The following NUP214 variants were observed in gnomAD, a reference collection of about 807,000 sequenced individuals.
The protein encoded by NUP214 is nuclear pore complex protein Nup214.
Under a neutral mutation model 196.2 loss-of-function variants are expected in NUP214, and 79 were observed. The observed-to-expected ratio is 0.40, with a 90% CI of 0.34 to 0.49. The LOEUF is 0.49. Ranked by LOEUF, NUP214 falls within the 20% of genes least tolerant of loss-of-function variation. The pLI, the probability that NUP214 is intolerant of heterozygous loss-of-function variation, is 0.58. For missense variants in NUP214, 2,468 were observed against 2,539.0 expected, an observed-to-expected ratio of 0.97 and a Z score of 0.60; for synonymous variants, 1,020 against 990.5, an observed-to-expected ratio of 1.03 and a Z score of -0.56.
intron 21 of NUP214, among the ~76,000 whole-genome samples, chr9:131,171,355 G>T (rs1349158940): frequency 6.6e-6 from 1 of 152,144 alleles, no homozygotes; most frequent in Non-Finnish European, 1.5e-5. Flanking sequence ...GTTCTTGAAG[G>T]TGATGTGATT....
At chr9:131,180,243 C>T (rs1241439967) in intron 24 of NUP214, among the ~76,000 whole-genome samples, 2 of 152,160 alleles carry the variant, frequency 1.3e-5, no homozygotes, top group East Asian at 3.9e-4. Context: ...CATGTGTATG[C>T]CCAGCATGGT....
chr9:131,192,348 C>T (rs951695388), intron 27 of NUP214, 56 bp downstream of exon 27: 12 of 1,028,838 alleles, frequency 1.2e-5, no homozygotes, highest in Admixed American at 4.0e-5. Context: ...TTCCCCAAAT[C>T]TTACAATTAT....
At chr9:131,220,338 T>G (rs1834524663) in intron 31 of NUP214, among the ~76,000 whole-genome samples, 1 of 152,202 alleles carries the variant, frequency 6.6e-6, no homozygotes, top group South Asian at 2.1e-4. Flanking sequence ...AACACATTGT[T>G]GACATTAGAA....
chr9:131,148,904 A>G (rs1023379756), intron 14 of NUP214, among the ~76,000 whole-genome samples: 1 of 152,078 alleles, frequency 6.6e-6, no homozygotes, highest in Non-Finnish European at 1.5e-5. Context: ...TAAGTATATC[A>G]GTTTTTTCTT....
intron 14 of NUP214, 115 bp from the exon 15 acceptor site, chr9:131,150,209 T>C (rs1832216179): frequency 2.5e-6 from 2 of 814,788 alleles, no homozygotes; most frequent in South Asian, 1.6e-5. Context: ...TTCGTTACAA[T>C]GAGTGAAGAA....
At chr9:131,150,521 C>G (rs1294140990) in intron 15 of NUP214, 95 bp from the exon 16 acceptor site, 1 of 1,565,636 alleles carries the variant, frequency 6.4e-7, no homozygotes, top group African/African-American at 1.4e-5. Flanking sequence ...GAAGCATGGC[C>G]CATCCCAGCA....
At chr9:131,131,329 C>G (rs1831539416) in intron 5 of NUP214, among the ~76,000 whole-genome samples, 1 of 152,246 alleles carries the variant, frequency 6.6e-6, no homozygotes, top group Non-Finnish European at 1.5e-5. Context: ...TGCATGTGCA[C>G]TCTGTCATCC....
chr9:131,133,200 TCTA>T lies in NUP214; in HGVS notation c.827_829del (p.Leu276del). 6.4e-7 allele frequency: 1 copy of T among 1,562,862 alleles called. No homozygotes were observed. Among genetic ancestry groups the T allele is most frequent in the Non-Finnish European group, 8.6e-7 (1 of 1,158,180 alleles). On this transcript the variant is annotated inframe_deletion, in exon 7 of 36. Transcript: ENST00000359428. ...AAACGTCTCCAGATGTGGTGATGGC[TCTA>T]CTACCGGTATGCCTGTGGAAGAAAT...
chr9:131,130,161 T>TTTTTTTTTTTTTTTTTTTG (rs1554728091), intron 4 of NUP214, among the ~76,000 whole-genome samples: 4 of 136,412 alleles, frequency 2.9e-5, no homozygotes, highest in South Asian at 2.6e-4. Flanking sequence ...GTTTTTTTTT[T>TTTTTTTTTTTTTTTTTTTG]GAGACAGAGT....
chr9:131,135,918 G>A (rs765845804), intron 8 of NUP214, 22 bp from the exon 9 acceptor site: 1 of 1,607,812 alleles, frequency 6.2e-7, no homozygotes, highest in South Asian at 1.1e-5. Flanking sequence ...GAACGTAATG[G>A]TCTCTGGTTT....
At chr9:131,209,192 G>T (rs1307978984) in intron 30 of NUP214, among the ~76,000 whole-genome samples, 1 of 151,914 alleles carries the variant, frequency 6.6e-6, no homozygotes, top group Non-Finnish European at 1.5e-5. Flanking sequence ...GGGCAACATG[G>T]CAAAATTCCA....
At chr9:131,158,281 G>C (rs1832521450) in intron 17 of NUP214, among the ~76,000 whole-genome samples, 1 of 152,184 alleles carries the variant, frequency 6.6e-6, no homozygotes, top group South Asian at 2.1e-4. Context: ...ATTTCACCAT[G>C]TTAGCCAGGC....
At chr9:131,150,233 T>G (rs770280682) in intron 14 of NUP214, 91 bp from the exon 15 acceptor site, 150 of 1,025,758 alleles carry the variant, frequency 1.5e-4, no homozygotes, top group Non-Finnish European at 4.1e-5. Flanking sequence ...ATGACTGTGT[T>G]ACAGGAGCGC....
chr9:131,150,461 A>T, intron 15 of NUP214, 51 bp downstream of exon 15: 1 of 1,595,326 alleles, frequency 6.3e-7, no homozygotes, highest in Non-Finnish European at 8.6e-7. Flanking sequence ...ACAGACTTGG[A>T]TGGGTCAGAG....
chr9:131,205,963 A>G (rs577696281), intron 30 of NUP214, among the ~76,000 whole-genome samples: 2 of 152,216 alleles, frequency 1.3e-5, no homozygotes, highest in East Asian at 3.9e-4. Context: ...GATTACAGTC[A>G]TGAGCCACCA....
chr9:131,176,127 A>G (rs1364076735), intron 23 of NUP214, among the ~76,000 whole-genome samples: 2 of 151,982 alleles, frequency 1.3e-5, no homozygotes, highest in Non-Finnish European at 2.9e-5. Context: ...AGACCACCCT[A>G]GGCAACATAG....
intron 31 of NUP214, among the ~76,000 whole-genome samples, chr9:131,219,595 A>T (rs1834500177): frequency 6.6e-6 from 1 of 152,234 alleles, no homozygotes; most frequent in South Asian, 2.1e-4. Context: ...TCTACTAAAG[A>T]AAACCTGGGA....
chr9:131,153,968 T>G (rs192222996), intron 17 of NUP214, among the ~76,000 whole-genome samples: 2 of 152,148 alleles, frequency 1.3e-5, no homozygotes, highest in African/African-American at 4.8e-5. Context: ...AAAAGAAGTA[T>G]TTGTGATAGG....
intron 21 of NUP214, among the ~76,000 whole-genome samples, chr9:131,169,017 T>C (rs1353100744): frequency 1.4e-5 from 2 of 141,986 alleles, no homozygotes; most frequent in Non-Finnish European, 3.0e-5. Context: ...GGTATTCTGC[T>C]TACTTTGTTT....
Sources: gnomAD v4.1 joint callset for allele counts (sites outside exome capture counted in the v4.1 genomes callset) on GRCh38, gnomAD v4.1.1 for gene constraint, MANE v1.5 for transcripts, NCBI Gene and HGNC (gene_info 2026-07-23, HGNC 2026-07-21) for gene names.